Variants in CDKN1C observed in about 807,000 individuals in gnomAD.
CDKN1C encodes cyclin dependent kinase inhibitor 1C.
A neutral mutation model predicts 16.5 loss-of-function variants in CDKN1C; 7 were observed. The ratio of observed to expected loss-of-function variants is 0.42; its 90% confidence interval spans 0.24 to 0.80. The LOEUF (loss-of-function observed/expected upper bound fraction) is 0.80. Ranked by LOEUF, CDKN1C falls within the 30% of genes least tolerant of loss-of-function variation. The pLI, the probability that CDKN1C is intolerant of heterozygous loss-of-function variation, is 0.26. For missense variants in CDKN1C, 429 were observed against 437.3 expected (o/e 0.98, Z 0.17); for synonymous variants, 288 against 214.4 (o/e 1.34, Z -3.00).
Position 2,883,730 on chromosome 11 carries a change from T to C in CDKN1C, c.*191A>G. 7.2e-7 allele frequency: 1 copy of C among 1,383,958 alleles called. No homozygotes were observed. The highest frequency in any genetic ancestry group is 9.4e-7 in the Non-Finnish European group (1 of 1,060,980). 85.7% of individuals were successfully genotyped at this position (1,383,958 alleles called of 1,614,324 possible). On this transcript the variant is annotated 3_prime_UTR_variant, in exon 4 of 4. Coordinates refer to ENST00000440480, the MANE Select transcript of CDKN1C (RefSeq NM_001122630.2). ...GACCAGTGTACCTTCTCGTGCAGAA[T>C]ACATTTAGATATAAAAAGACGTTAT...
At chr11:2,884,473 G>A (rs570525745) in intron 2 of CDKN1C, 197 bp downstream of exon 2, 240 of 327,906 alleles carry the variant, frequency 7.3e-4, no homozygotes, top group African/African-American at 5.0e-3. Flanking sequence ...CTCCCACCCC[G>A]CCCGCGCGAA....
rs901034320 is a variant in CDKN1C at position 2,883,224 on chromosome 11, C to T, written c.*697G>A. ...AAGCACAAACAGACTGGAGTTGCAG[C>T]ATTTTTCGGCCTCTTTATTTAGAAC... is the stretch of plus-strand genomic sequence containing the variant. On this transcript the variant is annotated 3_prime_UTR_variant, in exon 4 of 4. Transcript: ENST00000440480. 5.3e-5 allele frequency: 8 copies of T among 152,346 alleles called. No homozygotes were observed. Among genetic ancestry groups the T allele is most frequent in the African/African-American group, 1.4e-4 (6 of 41,470 alleles). 9.4% of individuals were successfully genotyped at this position (152,346 alleles called of 1,614,324 possible).
At chr11:2,884,603 TGG>T in intron 2 of CDKN1C, 65 bp downstream of exon 2, 1 of 1,025,138 alleles carries the variant, frequency 9.8e-7, no homozygotes, top group Non-Finnish European at 1.2e-6. Context: ...CCCCGAGGGC[TGG>T]GGGGACCGGC....
Position 2,884,983 on chromosome 11 carries a change from G to T in CDKN1C, c.474C>A (p.Val158=). The part of the protein sequence containing the change: ...APAPAPVAAP[V]AAPVAVAVLA... ...GGACCGCGACCGCGACCGGAGCCGC[G>T]ACCGGAGCCGCGACCGGAGCCGGAG... Residue 158 remains valine, a synonymous_variant, in exon 2 of 4, where the codon GTC becomes GTA. Coordinates refer to ENST00000440480, the MANE Select transcript of CDKN1C (RefSeq NM_001122630.2). 3 of 1,081,054 alleles carry T rather than the reference G, an allele frequency of 2.8e-6. No individual in the cohort carries two copies. The highest frequency in any genetic ancestry group is 3.5e-6 in the Non-Finnish European group (3 of 858,994). 67.0% of individuals were successfully genotyped at this position (1,081,054 alleles called of 1,614,324 possible). A position where few individuals can be genotyped will look rare whatever the true frequency, so the allele number is the denominator to read the frequency against.
chr11:2,883,573 A>T lies in CDKN1C; in HGVS notation c.*348T>A. 2.2e-6 allele frequency: 1 copy of T among 459,100 alleles called. No homozygotes were observed. The highest frequency in any genetic ancestry group is 3.6e-6 in the Non-Finnish European group (1 of 276,826). 28.4% of individuals were successfully genotyped at this position (459,100 alleles called of 1,614,324 possible). On this transcript the variant is annotated 3_prime_UTR_variant, in exon 4 of 4. Transcript: ENST00000440480. ...AGAAAATATAAGTTAGTATAACTTTAAAAACTTTTTGTACAAATATACATG... is the reference window on the plus strand; with the variant it reads ...AGAAAATATAAGTTAGTATAACTTTTAAAACTTTTTGTACAAATATACATG...
At position 2,885,714 on chromosome 11, in the gene CDKN1C, T is replaced by C. The variant is rs1458054040; in HGVS notation, c.-91A>G. 2 of 604,884 alleles carry C rather than the reference T, an allele frequency of 3.3e-6. No homozygotes were observed. Among genetic ancestry groups the C allele is most frequent in the Non-Finnish European group, 5.8e-6 (2 of 342,338 alleles). The allele number at this position is 604,884 out of a possible 1,614,324, so 37.5% of individuals were successfully genotyped here. A position where few individuals can be genotyped will look rare whatever the true frequency, so the allele number is the denominator to read the frequency against. ...GCAGCCGCGCCCCCTCGATGCCTGC[T>C]GGCTAGCTCGCTCGCTCAGGCCTGG... is the stretch of plus-strand genomic sequence containing the variant. On this transcript the variant is annotated 5_prime_UTR_variant, in exon 1 of 4. Coordinates refer to ENST00000440480, the MANE Select transcript of CDKN1C (RefSeq NM_001122630.2).
In CDKN1C at chr11:2,885,410, G is replaced by A. The variant is rs1282995815; in HGVS notation, c.47C>T (p.Thr16Ile). ...ARGTFPVLVR[T>I]SACRSLFGPV... ...CCCGAAGAGGCTGCGGCAGGCGCTG[G>A]TGCGCACTAGTACTGGGAAGGTCCC... The change falls in exon 2 of 4, where the codon ACC becomes ATC. Residue 16 changes from threonine (T) to isoleucine (I), a missense_variant. By Grantham distance (89) the Thr-to-Ile change is moderately conservative. Coordinates refer to ENST00000440480, the MANE Select transcript of CDKN1C (RefSeq NM_001122630.2). 3 of 1,553,428 alleles carry A rather than the reference G, an allele frequency of 1.9e-6. No individual in the cohort carries two copies. Among genetic ancestry groups the A allele is most frequent in the Non-Finnish European group, 2.6e-6 (3 of 1,152,098 alleles).
chr11:2,885,201 C>T lies in CDKN1C; in HGVS notation c.256G>A (p.Val86Met), dbSNP rs1848968869. The T allele has an allele frequency of 6.5e-7, 1 of 1,542,068 alleles. No individual in the cohort carries two copies. The highest frequency in any genetic ancestry group is 8.7e-7 in the Non-Finnish European group (1 of 1,147,482). ...GCCAGCAGCAGGCGGCAGCGCCCCA[C>T]CTGCACCGTCTCGCGGTAGAACGCG... ...VPAFYRETVQVGRCRLLLAPR... is the reference protein window; with the variant it reads ...VPAFYRETVQMGRCRLLLAPR... The change falls in exon 2 of 4, where the codon GTG becomes ATG. Residue 86 changes from valine to methionine, a missense_variant. Coordinates refer to ENST00000440480, the MANE Select transcript of CDKN1C (RefSeq NM_001122630.2).
rs1352481541 is a variant in CDKN1C, at chr11:2,884,087, C to T, written c.835G>A (p.Asp279Asn). 6.5e-7 allele frequency: 1 copy of T among 1,543,510 alleles called. No homozygotes were observed. The highest frequency in any genetic ancestry group is 8.7e-7 in the Non-Finnish European group (1 of 1,144,754). The stretch of plus-strand genomic sequence containing the variant: ...GGAGAGGGACACGGCGCGGGGACAT[C>T]GCCCGACGACTTCTCAGGCGCTGAT... ...KRSAPEKSSG[D>N]VPAPCPSPSA... The change falls in exon 3 of 4, where the codon GAT (aspartate) becomes AAT (asparagine). Residue 279 changes from aspartate to asparagine, a missense_variant. Asp to Asn is a conservative substitution (Grantham distance 23). Coordinates refer to ENST00000440480, the MANE Select transcript of CDKN1C (RefSeq NM_001122630.2).
At position 2,883,920 on chromosome 11, in the gene CDKN1C, G is replaced by C; in HGVS notation, c.*6-5C>G. 1.3e-6 allele frequency: 2 copies of C among 1,590,046 alleles called. No individual in the cohort carries two copies. The highest frequency in any genetic ancestry group is 1.7e-6 in the Non-Finnish European group (2 of 1,169,082). On this transcript the variant is annotated splice_polypyrimidine_tract_variant and splice_region_variant and intron_variant, in intron 3 of 3. Transcript: ENST00000440480. ...CGGGGCTCTTTGGGCTCTAAACTGC[G>C]AGGAGAGGGGCGGTCAGCAAAGCCG...
intron 3 of CDKN1C, 41 bp from the exon 4 acceptor site, chr11:2,883,956 G>T: frequency 6.4e-7 from 1 of 1,569,424 alleles, no homozygotes; most frequent in Non-Finnish European, 8.6e-7. Flanking sequence ...GCGGGGACCC[G>T]GCGGGTCGGC....
At position 2,883,881 on chromosome 11, in the gene CDKN1C, C is replaced by A; in HGVS notation, c.*40G>T. 1 of 1,568,356 alleles carries A rather than the reference C, an allele frequency of 6.4e-7. No homozygotes were observed. ...CAGCGCCCTTCCAACGTCCGCTGCCCCGGCAGGTTCCCTCGGGGCTCTTTG... is the reference window on the plus strand; with the variant it reads ...CAGCGCCCTTCCAACGTCCGCTGCCACGGCAGGTTCCCTCGGGGCTCTTTG... On this transcript the variant is annotated 3_prime_UTR_variant, in exon 4 of 4. Transcript: ENST00000440480.
chr11:2,884,749 C>G lies in CDKN1C; in HGVS notation c.708G>C (p.Ser236=). 2.6e-6 allele frequency: 4 copies of G among 1,510,140 alleles called. No individual in the cohort carries two copies. Among genetic ancestry groups the G allele is most frequent in the Non-Finnish European group, 3.5e-6 (4 of 1,132,986 alleles). The allele number at this position is 1,510,140 out of a possible 1,614,324, so 93.5% of individuals were successfully genotyped here. A position where few individuals can be genotyped will look rare whatever the true frequency, so the allele number is the denominator to read the frequency against. ...PLADQLHSGI[S]GRPAAGTAAA... ...CCGCGGTGCCGGCCGCGGGACGTCC[C>G]GAAATCCCCGAGTGCAGCTGGTCAG... is the stretch of plus-strand genomic sequence containing the variant. Residue 236 remains serine (S), a synonymous_variant, in exon 2 of 4, where the codon TCG becomes TCC. Transcript: ENST00000440480.
chr11:2,884,250 G>A, intron 2 of CDKN1C, 116 bp from the exon 3 acceptor site: 2 of 617,722 alleles, frequency 3.2e-6, no homozygotes, highest in Non-Finnish European at 4.2e-6. Flanking sequence ...GTCCCCGCCC[G>A]CGCCGAGGTC....
chr11:2,884,405 G>A, intron 2 of CDKN1C: 1 of 240,904 alleles, frequency 4.2e-6, no homozygotes, highest in Non-Finnish European at 7.8e-6. Context: ...CCCGGGGAGG[G>A]GCTCCCGCGG....
At position 2,885,193 on chromosome 11, in the gene CDKN1C, G is replaced by A; in HGVS notation, c.264C>T (p.Arg88=). ...GCCGCGGCGCCAGCAGCAGGCGGCAGCGCCCCACCTGCACCGTCTCGCGGT... is the reference window on the plus strand; with the variant it reads ...GCCGCGGCGCCAGCAGCAGGCGGCAACGCCCCACCTGCACCGTCTCGCGGT... ...AFYRETVQVG[R]CRLLLAPRPV... The change falls in exon 2 of 4, where the codon CGC becomes CGT. Residue 88 remains arginine, a synonymous_variant. Coordinates refer to ENST00000440480, the MANE Select transcript of CDKN1C (RefSeq NM_001122630.2). The A allele has an allele frequency of 6.5e-7, 1 of 1,535,978 alleles. No individual in the cohort carries two copies. Among genetic ancestry groups the A allele is most frequent in the Non-Finnish European group, 8.7e-7 (1 of 1,145,186 alleles).
chr11:2,884,040 G>T lies in CDKN1C; in HGVS notation c.882C>A (p.Gly294=). Residue 294 remains glycine (G), a synonymous_variant, in exon 3 of 4, where the codon GGC becomes GGA. Transcript: ENST00000440480. ...TCTTGCGCGGGGTCTGCTCCACCGA[G>T]CCCACGCCAGGGGCGGCGCTTGGAG... The part of the protein sequence containing the change: ...CPSPSAAPGV[G]SVEQTPRKRL... 1.3e-6 allele frequency: 2 copies of T among 1,556,642 alleles called. No homozygotes were observed. The highest frequency in any genetic ancestry group is 1.7e-6 in the Non-Finnish European group (2 of 1,150,868).
rs1164835346 is a variant in CDKN1C at position 2,885,697 on chromosome 11, G to A, written c.-74C>T. 1.3e-5 allele frequency: 8 copies of A among 629,558 alleles called. No individual in the cohort carries two copies. Among genetic ancestry groups the A allele is most frequent in the South Asian group, 5.8e-5 (3 of 51,734 alleles). The allele number at this position is 629,558 out of a possible 1,614,324, so 39.0% of individuals were successfully genotyped here. ...CCTGTCTCGTCCGGACGGCAGCCGC[G>A]CCCCCTCGATGCCTGCTGGCTAGCT... On this transcript the variant is annotated 5_prime_UTR_variant, in exon 1 of 4. Transcript: ENST00000440480.
rs1344220309 is a variant in CDKN1C at position 2,883,271 on chromosome 11, C to CAGTG, written c.*646_*649dup. ...GAACCCGGCGGACGAGGGGCCGGGGCAGTGGTACAGACGGCTCAGGAACCA... is the reference window on the plus strand; with the variant it reads ...GAACCCGGCGGACGAGGGGCCGGGGCAGTGAGTGGTACAGACGGCTCAGGAACCA... On this transcript the variant is annotated 3_prime_UTR_variant, in exon 4 of 4. Coordinates refer to ENST00000440480, the MANE Select transcript of CDKN1C (RefSeq NM_001122630.2). The CAGTG allele has an allele frequency of 6.6e-6, 1 of 152,368 alleles. No homozygotes were observed. The highest frequency in any genetic ancestry group is 1.5e-5 in the Non-Finnish European group (1 of 68,132). The allele number at this position is 152,368 out of a possible 1,614,324, so 9.4% of individuals were successfully genotyped here. A position where few individuals can be genotyped will look rare whatever the true frequency, so the allele number is the denominator to read the frequency against.
Sources: allele counts gnomAD v4.1 joint callset, GRCh38; gene constraint gnomAD v4.1.1; transcripts MANE v1.5; gene names NCBI Gene and HGNC (gene_info 2026-07-23, HGNC 2026-07-21).